Variants in STK32B observed in about 807,000 individuals in gnomAD.
STK32B encodes serine/threonine-protein kinase 32B.
A neutral mutation model predicts 52.6 loss-of-function variants in STK32B; 43 were observed. That is an observed-to-expected ratio of 0.82 (90% confidence interval 0.64 to 1.05). The LOEUF (loss-of-function observed/expected upper bound fraction) is 1.05, where lower values mean the gene tolerates loss of function less well. Among genes scored for constraint, STK32B ranks in the 50% least tolerant of loss-of-function variants. The pLI, the probability that STK32B is intolerant of heterozygous loss-of-function variation, is 0.00. For missense variants in STK32B, 621 were observed against 534.6 expected (o/e 1.16, Z -1.59); for synonymous variants, 238 against 204.3 (o/e 1.17, Z -1.41).
At chr4:5,197,082 T>C (rs999189330) in intron 3 of STK32B, among the ~76,000 whole-genome samples, 1 of 152,082 alleles carries the variant, frequency 6.6e-6, no homozygotes, top group Non-Finnish European at 1.5e-5. Context: ...CTGTACCAAA[T>C]TGGGACTCAG....
intron 11 of STK32B, among the ~76,000 whole-genome samples, chr4:5,472,279 T>C (rs1717903470): frequency 6.6e-6 from 1 of 152,114 alleles, no homozygotes; most frequent in Admixed American, 6.5e-5. Context: ...GTGCCGTGAA[T>C]CAGACACACA....
At chr4:5,457,951 G>A (rs1274833747) in intron 8 of STK32B, among the ~76,000 whole-genome samples, 1 of 150,382 alleles carries the variant, frequency 6.6e-6, no homozygotes, top group Non-Finnish European at 1.5e-5. Flanking sequence ...AAGGAAGGAA[G>A]GAAGGAAGGA....
intron 3 of STK32B, among the ~76,000 whole-genome samples, chr4:5,279,660 G>T (rs534463543): frequency 1.3e-5 from 2 of 152,302 alleles, no homozygotes; most frequent in Non-Finnish European, 2.9e-5. Context: ...ATCCTGTGTG[G>T]ACTGCCCTAA....
chr4:5,051,403 C>T (rs114284316), upstream of STK32B: 3,789 of 178,430 alleles, frequency 0.021, 57 homozygotes, highest in Non-Finnish European at 0.03. Context: ...TCTTCCGGGC[C>T]GATCCCTTTC....
rs551831226 is a variant in STK32B at position 5,087,189 on chromosome 4, A to G, written c.52+35274A>G. 3.3e-5 allele frequency among the ~76,000 whole-genome samples: 5 copies of G among 152,246 alleles called. No individual in the cohort carries two copies. The East Asian group carries it at 5.8e-4, about 18-fold the overall frequency. ...AAGGGGATGAATGAAGAGATATGACAGCATAGATTTTGTATATATTTGAAA... is the reference window on the plus strand; with the variant it reads ...AAGGGGATGAATGAAGAGATATGACGGCATAGATTTTGTATATATTTGAAA... On this transcript the variant is annotated intron_variant, in intron 1 of 11. Transcript: ENST00000282908.
intron 5 of STK32B, among the ~76,000 whole-genome samples, chr4:5,407,926 A>G (rs1425906586): frequency 6.6e-6 from 1 of 152,088 alleles, no homozygotes; most frequent in African/African-American, 2.4e-5. Flanking sequence ...CATGAATGGG[A>G]TAAGTGCCCT....
intron 3 of STK32B, among the ~76,000 whole-genome samples, chr4:5,297,635 GTT>G (rs200463444): frequency 4.4e-4 from 56 of 126,952 alleles, no homozygotes; most frequent in South Asian, 1.0e-3. Context: ...GGTCATTTAT[GTT>G]TTTTTTTTTT....
At chr4:5,308,975 T>G (rs1435997913) in intron 3 of STK32B, among the ~76,000 whole-genome samples, 1 of 152,030 alleles carries the variant, frequency 6.6e-6, no homozygotes, top group East Asian at 1.9e-4. Context: ...TGCTTGTAGA[T>G]GACATGATCT....
At chr4:5,297,664 C>A (rs1312829561) in intron 3 of STK32B, among the ~76,000 whole-genome samples, 2 of 139,040 alleles carry the variant, frequency 1.4e-5, no homozygotes, top group Non-Finnish European at 3.1e-5. Context: ...ACTGGTTATT[C>A]TAGTTAGCAG....
Position 5,452,779 on chromosome 4 carries a change from AT to A in STK32B, c.667-4020del, listed in dbSNP as rs201452626. On this transcript the variant is annotated intron_variant, in intron 7 of 11. Coordinates refer to ENST00000282908, the MANE Select transcript of STK32B (RefSeq NM_018401.3). Reference sequence around the variant, plus strand: ...TTCTATTTTTTGGTAAATTGGCAAAATTTTTTTTAGAAACCGAGTTTCCTGG... The same window carrying A: ...TTCTATTTTTTGGTAAATTGGCAAAATTTTTTTAGAAACCGAGTTTCCTGG... Among the ~76,000 whole-genome samples, 44 of 151,956 alleles carry A rather than the reference AT, an allele frequency of 2.9e-4. No individual in the cohort carries two copies. In the East Asian group the frequency reaches 6.8e-3, roughly 23 times the overall value.
chr4:5,045,411 G>T, the STK32B span, among the ~76,000 whole-genome samples: 1 of 152,100 alleles, frequency 6.6e-6, no homozygotes, highest in African/African-American at 2.4e-5. Context: ...GTTCCTTCTG[G>T]TGTCAGCTCA....
chr4:5,379,028 A>T (rs930930687), intron 4 of STK32B, among the ~76,000 whole-genome samples: 5 of 151,872 alleles, frequency 3.3e-5, no homozygotes, highest in Non-Finnish European at 5.9e-5. Flanking sequence ...CAGGGTCAAC[A>T]CTAAGGTCAG....
At chr4:5,152,364 T>A (rs1029401370) in intron 2 of STK32B, among the ~76,000 whole-genome samples, 4 of 151,964 alleles carry the variant, frequency 2.6e-5, no homozygotes, top group Non-Finnish European at 5.9e-5. Context: ...GACACATCAC[T>A]AGCCTCACCC....
chr4:5,246,976 C>T (rs1044063847), intron 3 of STK32B, among the ~76,000 whole-genome samples: 9 of 152,246 alleles, frequency 5.9e-5, no homozygotes, highest in South Asian at 4.2e-4. Flanking sequence ...GGTGCCGGTC[C>T]GCCCCTACTG....
In STK32B at chr4:5,315,897, G is replaced by C. The variant is rs1730645353; in HGVS notation, c.261-15323G>C. ...TTTTTGTATTTTTAGTAGAGATGGG[G>C]TTTTGCTGTGTTGGCCAAGCTGATC... On this transcript the variant is annotated intron_variant, in intron 3 of 11. Transcript: ENST00000282908. 2.7e-5 allele frequency among the ~76,000 whole-genome samples: 4 copies of C among 150,756 alleles called. No homozygotes were observed. The South Asian group carries it at 8.4e-4, about 31-fold the overall frequency.
intron 9 of STK32B, among the ~76,000 whole-genome samples, chr4:5,462,697 G>T (rs971084829): frequency 6.6e-6 from 1 of 152,154 alleles, no homozygotes; most frequent in Non-Finnish European, 1.5e-5. Context: ...GACCTTTGGG[G>T]AGGGACCACT....
At chr4:5,455,512 C>G (rs1716424430) in intron 7 of STK32B, among the ~76,000 whole-genome samples, 1 of 152,216 alleles carries the variant, frequency 6.6e-6, no homozygotes. Context: ...CCAGATCCTA[C>G]TGGTTTGCAG....
At chr4:5,024,667 T>C in the STK32B span, among the ~76,000 whole-genome samples, 1 of 152,146 alleles carries the variant, frequency 6.6e-6, no homozygotes, top group Non-Finnish European at 1.5e-5. Flanking sequence ...TAAGGGCAGG[T>C]GGGCTAGGCT....
At chr4:5,075,673 A>C (rs1367004095) in intron 1 of STK32B, among the ~76,000 whole-genome samples, 1 of 152,120 alleles carries the variant, frequency 6.6e-6, no homozygotes, top group Non-Finnish European at 1.5e-5. Flanking sequence ...AAAATTGAAA[A>C]ATTTAGGAAA....
Sources: allele counts gnomAD v4.1 joint callset (sites outside exome capture counted in the v4.1 genomes callset), GRCh38; gene constraint gnomAD v4.1.1; transcripts MANE v1.5; gene names NCBI Gene and HGNC (gene_info 2026-07-23, HGNC 2026-07-21).